PCCA: variants seen among roughly 807,000 people sequenced by gnomAD.
PCCA encodes propionyl-CoA carboxylase subunit alpha.
A neutral mutation model predicts 101.3 loss-of-function variants in PCCA; 74 were observed. The observed-to-expected ratio is 0.73, with a 90% CI of 0.61 to 0.89. The LOEUF (loss-of-function observed/expected upper bound fraction) is 0.89, where lower values mean the gene tolerates loss of function less well. PCCA is among the 40% of genes least tolerant of loss of function. PCCA has a pLI of 0.00. For missense variants in PCCA, 891 were observed against 907.0 expected (o/e 0.98, Z 0.23); for synonymous variants, 294 against 313.6 (o/e 0.94, Z 0.66).
At chr13:100,487,008 TTA>T (rs1401127678) in intron 21 of PCCA, among the ~76,000 whole-genome samples, 3 of 152,206 alleles carry the variant, frequency 2.0e-5, no homozygotes, top group Non-Finnish European at 4.4e-5. Flanking sequence ...CTTCATGCTC[TTA>T]TGTTAGCATC....
intron 6 of PCCA, among the ~76,000 whole-genome samples, chr13:100,184,237 C>T (rs532628528): frequency 6.6e-6 from 1 of 152,130 alleles, no homozygotes; most frequent in South Asian, 2.1e-4. Flanking sequence ...TCTCTTTCTC[C>T]TCTGCTGAAA....
At chr13:100,354,333 G>A (rs1250015437) in intron 18 of PCCA, among the ~76,000 whole-genome samples, 2 of 105,190 alleles carry the variant, frequency 1.9e-5, no homozygotes, top group African/African-American at 7.2e-5. Context: ...AAGAAAGAGA[G>A]GGGGCGGTGG....
intron 6 of PCCA, chr13:100,198,258 A>G (rs183108671): frequency 5.3e-5 from 8 of 152,352 alleles, no homozygotes; most frequent in Non-Finnish European, 1.2e-4. Context: ...TTGCTCAGAT[A>G]ATGCAGTCTC....
At chr13:100,368,340 T>C (rs2075349122) in intron 18 of PCCA, 132 bp from the exon 19 acceptor site, 1 of 621,950 alleles carries the variant, frequency 1.6e-6, no homozygotes, top group Non-Finnish European at 2.9e-6. Flanking sequence ...ATTCTTAGAG[T>C]AGGTGTTTAA....
intron 17 of PCCA, among the ~76,000 whole-genome samples, chr13:100,339,097 A>G (rs570613351): frequency 2.0e-5 from 3 of 152,266 alleles, no homozygotes; most frequent in South Asian, 2.1e-4. Flanking sequence ...TCGTATTTAC[A>G]TATAACTTAG....
chr13:100,344,007 A>G (rs2071799666), intron 18 of PCCA, among the ~76,000 whole-genome samples: 1 of 152,216 alleles, frequency 6.6e-6, no homozygotes, highest in Admixed American at 6.5e-5. Flanking sequence ...CCTGGGAGGC[A>G]TAGGTTGCAG....
chr13:100,131,040 G>A (rs1254587192), intron 4 of PCCA, among the ~76,000 whole-genome samples: 2 of 152,074 alleles, frequency 1.3e-5, no homozygotes, highest in South Asian at 2.1e-4. Context: ...GATCTGTGGA[G>A]GAAAAAATGG....
At chr13:100,399,485 T>G (rs1304776571) in intron 19 of PCCA, among the ~76,000 whole-genome samples, 4 of 152,208 alleles carry the variant, frequency 2.6e-5, no homozygotes, top group Non-Finnish European at 5.9e-5. Flanking sequence ...TGTAGACTTG[T>G]AAATGTTAAT....
chr13:100,273,064 A>G (rs1217912112), intron 11 of PCCA, 132 bp from the exon 12 acceptor site: 4 of 667,330 alleles, frequency 6.0e-6, no homozygotes, highest in African/African-American at 5.5e-5. Flanking sequence ...ATAAAGCACA[A>G]TATTTTGAAT....
At chr13:100,160,508 G>GAA (rs5806153) in intron 6 of PCCA, among the ~76,000 whole-genome samples, 28 of 128,918 alleles carry the variant, frequency 2.2e-4, no homozygotes, top group East Asian at 8.3e-4. Context: ...GTCTAAAAAA[G>GAA]AAAAAAAAAA....
chr13:100,351,756 CAT>C (rs1341921646), intron 18 of PCCA, among the ~76,000 whole-genome samples: 1 of 152,050 alleles, frequency 6.6e-6, no homozygotes, highest in African/African-American at 2.4e-5. Flanking sequence ...GATAAAAATG[CAT>C]ATGTTTAGAT....
chr13:100,354,106 AT>A (rs1413916073), intron 18 of PCCA, among the ~76,000 whole-genome samples: 2 of 146,050 alleles, frequency 1.4e-5, no homozygotes, highest in Admixed American at 6.9e-5. Context: ...AATAATAATA[AT>A]AATAATAATA....
chr13:100,112,882 AG>A (rs2048452841), intron 4 of PCCA, among the ~76,000 whole-genome samples: 1 of 22,346 alleles, frequency 4.5e-5, no homozygotes, highest in Non-Finnish European at 7.3e-5. Flanking sequence ...GGCCCACAGC[AG>A]GGATTTTTTT....
chr13:100,497,150 G>C lies in PCCA; in HGVS notation c.1900-18277G>C, dbSNP rs532386394. On this transcript the variant is annotated intron_variant, in intron 21 of 23. Coordinates refer to ENST00000376285, the MANE Select transcript of PCCA (RefSeq NM_000282.4). The stretch of plus-strand genomic sequence containing the variant: ...TAGCAGAGAAATGGGGAATTGGGGG[G>C]AAGATTATAGTCAAAGAAGTTTCAT... Among the ~76,000 whole-genome samples the C allele has an allele frequency of 2.0e-5, 3 of 152,316 alleles. No individual in the cohort carries two copies. The South Asian group carries it at 6.2e-4, about 32-fold the overall frequency.
chr13:100,337,143 G>A (rs2070608694), intron 17 of PCCA, among the ~76,000 whole-genome samples: 1 of 152,154 alleles, frequency 6.6e-6, no homozygotes, highest in Admixed American at 6.5e-5. Flanking sequence ...TTTTAGGTGT[G>A]TAGGATTCAT....
chr13:100,404,972 C>G (rs566862404), intron 19 of PCCA, among the ~76,000 whole-genome samples: 1 of 152,146 alleles, frequency 6.6e-6, no homozygotes, highest in East Asian at 1.9e-4. Flanking sequence ...GGGCTTTGAC[C>G]CGAAGCTTGG....
chr13:100,357,751 C>T (rs2074102144), intron 18 of PCCA, among the ~76,000 whole-genome samples: 1 of 152,182 alleles, frequency 6.6e-6, no homozygotes, highest in Non-Finnish European at 1.5e-5. Flanking sequence ...GTCACTATTG[C>T]ATGCATTAAG....
chr13:100,282,137 A>C (rs1030150326), intron 12 of PCCA, among the ~76,000 whole-genome samples: 2 of 152,010 alleles, frequency 1.3e-5, no homozygotes, highest in Non-Finnish European at 2.9e-5. Context: ...TTTCTTATTG[A>C]TGTGTAGGTA....
At chr13:100,220,281 CAA>C (rs1298115928) in intron 7 of PCCA, among the ~76,000 whole-genome samples, 1 of 151,900 alleles carries the variant, frequency 6.6e-6, no homozygotes, top group Non-Finnish European at 1.5e-5. Flanking sequence ...TTTTTTGAGA[CAA>C]GAGTCTCTTT....
Sources: gnomAD v4.1 joint callset for allele counts (sites outside exome capture counted in the v4.1 genomes callset) on GRCh38, gnomAD v4.1.1 for gene constraint, MANE v1.5 for transcripts, NCBI Gene and HGNC (gene_info 2026-07-23, HGNC 2026-07-21) for gene names.